The following UNC13A variants were observed in gnomAD, a reference collection of about 807,000 sequenced individuals.
UNC13A encodes unc-13 homolog A.
UNC13A carries 61 observed loss-of-function variants against 219.7 expected under a neutral mutation model. The ratio of observed to expected loss-of-function variants is 0.28; its 90% confidence interval spans 0.23 to 0.34. UNC13A has a LOEUF of 0.34. Among genes scored for constraint, UNC13A ranks in the 10% least tolerant of loss-of-function variants. UNC13A has a pLI of 1.00. For missense variants in UNC13A, 1,476 were observed against 2,270.3 expected (o/e 0.65, Z 7.11); for synonymous variants, 920 against 884.6 (o/e 1.04, Z -0.71).
chr19:17,673,811 G>A (rs1408321814), intron 3 of UNC13A, among the ~76,000 whole-genome samples: 1 of 152,106 alleles, frequency 6.6e-6, no homozygotes, highest in African/African-American at 2.4e-5. Flanking sequence ...AGGAGTTTGA[G>A]ACTAGCCTGG....
rs763264509 is a variant in UNC13A at position 17,655,873 on chromosome 19, G to A, written c.1283+10C>T. On this transcript the variant is annotated intron_variant, in intron 10 of 43. Coordinates refer to ENST00000519716, the MANE Select transcript of UNC13A (RefSeq NM_001080421.3). ...GCAGCCCCTCTGGCCCCTTGGCCCC[G>A]TCCTGTTACCTCTCCTCGTCCTTGG... 35 of 1,512,524 alleles carry A rather than the reference G, an allele frequency of 2.3e-5. No individual in the cohort carries two copies. Among genetic ancestry groups the A allele is most frequent in the Middle Eastern group, 1.8e-4 (1 of 5,574 alleles). The allele number at this position is 1,512,524 out of a possible 1,614,324, so 93.7% of individuals were successfully genotyped here.
Position 17,618,442 on chromosome 19 carries a change from C to T in UNC13A, c.4389G>A (p.Glu1463=). 2 of 1,587,274 alleles carry T rather than the reference C, an allele frequency of 1.3e-6. No individual in the cohort carries two copies. The highest frequency in any genetic ancestry group is 2.3e-5 in the East Asian group (1 of 43,676). Residue 1463 remains glutamate, a synonymous_variant, in exon 40 of 44, where the codon GAG becomes GAA. Transcript: ENST00000519716. ...SLTPKQCAVV[E]LALDTIKQYF... ...TCACCTTGATGGTGTCCAGGGCCAA[C>T]TCAACAACCGCGCACTGCTTTGGGG...
In UNC13A at chr19:17,606,002, C is replaced by T. The variant is rs2076521151; in HGVS notation, c.*52G>A. 10 of 1,383,864 alleles carry T rather than the reference C, an allele frequency of 7.2e-6. No individual in the cohort carries two copies. In the South Asian group the frequency reaches 1.2e-4, roughly 16 times the overall value. 85.7% of individuals were successfully genotyped at this position (1,383,864 alleles called of 1,614,324 possible). A position where few individuals can be genotyped will look rare whatever the true frequency, so the allele number is the denominator to read the frequency against. Reference sequence around the variant, plus strand: ...CACCAAGGCGCAAGCCCCGTCCCTCCCCGCCCAGCGCCCTCCGCGCAGGCG... The same window carrying T: ...CACCAAGGCGCAAGCCCCGTCCCTCTCCGCCCAGCGCCCTCCGCGCAGGCG... On this transcript the variant is annotated 3_prime_UTR_variant, in exon 44 of 44. Coordinates refer to ENST00000519716, the MANE Select transcript of UNC13A (RefSeq NM_001080421.3).
chr19:17,631,040 GAGTCCTCCGTCCATCC>G, intron 28 of UNC13A, among the ~76,000 whole-genome samples: 1 of 148,606 alleles, frequency 6.7e-6, no homozygotes, highest in African/African-American at 2.6e-5. Context: ...AGTCCTCTCT[GAGTCCTCCGTCCATCC>G]TTCCCTCCCT....
Position 17,674,872 on chromosome 19 carries a change from T to C in UNC13A, c.53-116A>G. ...AGGAATTTCTGGGCCACTCACCCCC[T>C]AACCCACAACCCCACCCTCAGGGCA... On this transcript the variant is annotated intron_variant, in intron 2 of 43. Coordinates refer to ENST00000519716, the MANE Select transcript of UNC13A (RefSeq NM_001080421.3). This position sits in a 1 kb window ranked among gnomAD's most constrained non-coding sequence, Gnocchi z 5.0. 9 of 836,782 alleles carry C rather than the reference T, an allele frequency of 1.1e-5. No homozygotes were observed. In the South Asian group the frequency reaches 1.4e-4, roughly 13 times the overall value. 51.8% of individuals were successfully genotyped at this position (836,782 alleles called of 1,614,324 possible). A position where few individuals can be genotyped will look rare whatever the true frequency, so the allele number is the denominator to read the frequency against.
intron 7 of UNC13A, among the ~76,000 whole-genome samples, chr19:17,663,905 C>T (rs2079596503): frequency 6.6e-6 from 1 of 152,056 alleles, no homozygotes; most frequent in South Asian, 2.1e-4. Flanking sequence ...AAGTGATCCT[C>T]CCACCTCAGC....
At chr19:17,686,708 C>T (rs1249237642) in intron 1 of UNC13A, among the ~76,000 whole-genome samples, 2 of 152,056 alleles carry the variant, frequency 1.3e-5, no homozygotes, top group East Asian at 1.9e-4. Context: ...GGCCCCTGTC[C>T]CTTTAAGAAC....
chr19:17,668,270 A>C, intron 5 of UNC13A, 80 bp from the exon 6 acceptor site: 12 of 1,425,536 alleles, frequency 8.4e-6, no homozygotes, highest in Admixed American at 1.9e-5. Flanking sequence ...ACTGAGCTCC[A>C]CCCGGGCCCT....
intron 34 of UNC13A, chr19:17,626,333 C>G: frequency 3.4e-6 from 1 of 296,304 alleles, no homozygotes. Flanking sequence ...AAACATCTAT[C>G]CTCCCTCTAT....
chr19:17,623,669 C>G, intron 35 of UNC13A, 122 bp from the exon 36 acceptor site: 1 of 521,550 alleles, frequency 1.9e-6, no homozygotes. Flanking sequence ...CTGCCCCAGC[C>G]CAGCCCAGAA....
In UNC13A at chr19:17,688,329, G is replaced by A. The variant is rs2080155167; in HGVS notation, c.-130C>T. ...CTCACGCCGGGGCCCGGCCGCCACC[G>A]GCCATCTTGGTTCAGCACCGGGGGC... On this transcript the variant is annotated 5_prime_UTR_variant, in exon 1 of 44. Coordinates refer to ENST00000519716, the MANE Select transcript of UNC13A (RefSeq NM_001080421.3). 4.5e-6 allele frequency: 6 copies of A among 1,320,044 alleles called. No individual in the cohort carries two copies. The highest frequency in any genetic ancestry group is 3.9e-6 in the Non-Finnish European group (4 of 1,035,032). The allele number at this position is 1,320,044 out of a possible 1,614,324, so 81.8% of individuals were successfully genotyped here.
chr19:17,665,510 G>T (rs1042403898), intron 7 of UNC13A, among the ~76,000 whole-genome samples: 3 of 152,170 alleles, frequency 2.0e-5, no homozygotes, highest in Admixed American at 6.6e-5. Context: ...AACAGACAAG[G>T]TGCAGTGGAA....
Position 17,641,283 on chromosome 19 carries a change from G to A in UNC13A, c.2636+110C>T, listed in dbSNP as rs575104131. 26 of 1,393,362 alleles carry A rather than the reference G, an allele frequency of 1.9e-5. No individual in the cohort carries two copies. In the South Asian group the frequency reaches 2.8e-4, roughly 15 times the overall value. 86.3% of individuals were successfully genotyped at this position (1,393,362 alleles called of 1,614,324 possible). A position where few individuals can be genotyped will look rare whatever the true frequency, so the allele number is the denominator to read the frequency against. ...GAATTACGGAACCCACCACCACCAC[G>A]CCCACTTCCTCTCTGGGTCTTCCCC... On this transcript the variant is annotated intron_variant, in intron 21 of 43. Transcript: ENST00000519716.
intron 42 of UNC13A, among the ~76,000 whole-genome samples, chr19:17,610,339 G>A (rs1050074352): frequency 1.3e-5 from 2 of 152,234 alleles, no homozygotes; most frequent in East Asian, 1.9e-4. Context: ...GGTGGCACGC[G>A]CCTGTAGTCC....
At chr19:17,675,774 C>T (rs2079886041) in intron 2 of UNC13A, among the ~76,000 whole-genome samples, 1 of 152,110 alleles carries the variant, frequency 6.6e-6, no homozygotes, top group Non-Finnish European at 1.5e-5. Flanking sequence ...CAGGGCAAGC[C>T]CCACCCCTTA....
At chr19:17,677,934 C>T (rs1274174399) in intron 1 of UNC13A, among the ~76,000 whole-genome samples, 4 of 152,190 alleles carry the variant, frequency 2.6e-5, no homozygotes, top group Non-Finnish European at 5.9e-5. Context: ...TAGCATTCGA[C>T]ACCCACTGTT....
Position 17,627,175 on chromosome 19 carries a change from A to C in UNC13A, c.3920+334T>G, listed in dbSNP as rs1193642238. ...ACGAGACTTCGTCTCAAAAAAAAAAAAAGAGTGGAAAATAGTAACTGCAGA... is the reference window on the plus strand; with the variant it reads ...ACGAGACTTCGTCTCAAAAAAAAAACAAGAGTGGAAAATAGTAACTGCAGA... On this transcript the variant is annotated intron_variant, in intron 33 of 43. Transcript: ENST00000519716. The surrounding 1 kb of genome is among the most constrained non-coding windows in gnomAD (Gnocchi z 4.7). 6.6e-6 allele frequency among the ~76,000 whole-genome samples: 1 copy of C among 152,210 alleles called. No homozygotes were observed. The highest frequency in any genetic ancestry group is 1.5e-5 in the Non-Finnish European group (1 of 68,036).
At chr19:17,683,753 C>T (rs973621356) in intron 1 of UNC13A, among the ~76,000 whole-genome samples, 1 of 152,094 alleles carries the variant, frequency 6.6e-6, no homozygotes, top group African/African-American at 2.4e-5. Context: ...CCTAAATTCA[C>T]TGATTTGTTC....
At chr19:17,654,444 C>T (rs989760077) in intron 11 of UNC13A, among the ~76,000 whole-genome samples, 2 of 152,120 alleles carry the variant, frequency 1.3e-5, no homozygotes, top group African/African-American at 2.4e-5. Context: ...TAAGAAATTT[C>T]GTTTGGTAAT....
Sources: gnomAD v4.1 joint callset for allele counts (sites outside exome capture counted in the v4.1 genomes callset) on GRCh38, gnomAD v4.1.1 for gene constraint, Gnocchi (gnomAD v3.1) non-coding constraint, MANE v1.5 for transcripts, NCBI Gene and HGNC (gene_info 2026-07-23, HGNC 2026-07-21) for gene names.